The following DGKB variants were observed in gnomAD, a reference collection of about 807,000 sequenced individuals.
DGKB encodes 90 kDa diacylglycerol kinase.
In DGKB, 67 loss-of-function variants were observed where a neutral mutation model predicts 114.3. That is an observed-to-expected ratio of 0.59 (90% CI 0.48 to 0.72). The LOEUF is 0.72. DGKB is among the 30% of genes least tolerant of loss of function. The pLI, the probability that DGKB is intolerant of heterozygous loss-of-function variation, is 0.00. For missense variants in DGKB, 907 were observed against 975.2 expected, an observed-to-expected ratio of 0.93 and a Z score of 0.93; for synonymous variants, 398 against 323.1, an observed-to-expected ratio of 1.23 and a Z score of -2.49.
At chr7:14,462,663 T>C (rs1055370007) in intron 21 of DGKB, among the ~76,000 whole-genome samples, 1 of 152,216 alleles carries the variant, frequency 6.6e-6, no homozygotes, top group African/African-American at 2.4e-5. Context: ...ATGGCCATAC[T>C]GCCCAAAGTA....
chr7:14,418,809 C>T (rs17168156), intron 21 of DGKB, among the ~76,000 whole-genome samples: 3,278 of 151,774 alleles, frequency 0.022, 105 homozygotes, highest in African/African-American at 0.074. Context: ...CTTGCAGATT[C>T]GTTATGAGTA....
intron 13 of DGKB, among the ~76,000 whole-genome samples, chr7:14,670,551 C>T (rs1482904073): frequency 6.6e-6 from 1 of 151,924 alleles, no homozygotes; most frequent in African/African-American, 2.4e-5. Context: ...GTGATCCACC[C>T]ACCTCGACCC....
intron 23 of DGKB, among the ~76,000 whole-genome samples, chr7:14,232,931 A>C (rs1238095444): frequency 6.6e-6 from 1 of 152,016 alleles, no homozygotes; most frequent in African/African-American, 2.4e-5. Flanking sequence ...TCAATTTCCA[A>C]TCTCCAACAA....
chr7:14,637,912 C>A (rs771907212), intron 13 of DGKB, among the ~76,000 whole-genome samples: 1 of 151,920 alleles, frequency 6.6e-6, no homozygotes, highest in Admixed American at 6.6e-5. Flanking sequence ...CAAAAAGCCA[C>A]AATTTCTAAA....
At chr7:14,575,451 T>C (rs1483317447) in intron 19 of DGKB, among the ~76,000 whole-genome samples, 2 of 152,194 alleles carry the variant, frequency 1.3e-5, no homozygotes, top group Non-Finnish European at 1.5e-5. Flanking sequence ...TAGATAACAT[T>C]ATAGTTATCA....
chr7:14,749,009 G>A (rs977139882), intron 4 of DGKB, among the ~76,000 whole-genome samples: 4 of 152,062 alleles, frequency 2.6e-5, no homozygotes, highest in African/African-American at 9.7e-5. Context: ...AAATTAATCA[G>A]AGTTTTTTTT....
At chr7:14,682,411 C>G (rs2128969298) in intron 12 of DGKB, 142 bp downstream of exon 12, 1 of 636,526 alleles carries the variant, frequency 1.6e-6, no homozygotes, top group Non-Finnish European at 2.8e-6. Flanking sequence ...TCTTTGCAAA[C>G]AAGCTGAAAT....
intron 1 of DGKB, among the ~76,000 whole-genome samples, chr7:14,892,112 A>G (rs1357402058): frequency 1.3e-5 from 2 of 151,366 alleles, no homozygotes; most frequent in African/African-American, 4.8e-5. Context: ...ATGAGAAAAA[A>G]GTCATGGAAG....
At chr7:14,747,551 T>G (rs1340852580) in intron 4 of DGKB, among the ~76,000 whole-genome samples, 1 of 152,138 alleles carries the variant, frequency 6.6e-6, no homozygotes, top group Non-Finnish European at 1.5e-5. Flanking sequence ...TCTGTACATT[T>G]TCCTTAGATC....
At chr7:14,895,377 A>G (rs750646002) in intron 1 of DGKB, among the ~76,000 whole-genome samples, 5 of 151,530 alleles carry the variant, frequency 3.3e-5, no homozygotes, top group Non-Finnish European at 5.9e-5. Context: ...CAGGTCTACA[A>G]TGAAAAAAAC....
At chr7:14,417,393 T>C (rs1825876403) in intron 21 of DGKB, among the ~76,000 whole-genome samples, 2 of 152,084 alleles carry the variant, frequency 1.3e-5, no homozygotes, top group South Asian at 2.1e-4. Context: ...GGAGTTATCC[T>C]GGCTCAGTGA....
chr7:14,616,598 T>C (rs974885769), intron 15 of DGKB, among the ~76,000 whole-genome samples: 1 of 151,802 alleles, frequency 6.6e-6, no homozygotes, highest in African/African-American at 2.4e-5. Context: ...AGCTGAAAAC[T>C]ATTCATTCTT....
At chr7:14,584,214 T>A (rs1396061911) in intron 17 of DGKB, among the ~76,000 whole-genome samples, 1 of 152,186 alleles carries the variant, frequency 6.6e-6, no homozygotes, top group African/African-American at 2.4e-5. Context: ...TCATGTTTTA[T>A]AATAAGTTCA....
intron 23 of DGKB, among the ~76,000 whole-genome samples, chr7:14,290,846 T>TTA (rs2128471635): frequency 6.6e-6 from 1 of 152,148 alleles, no homozygotes; most frequent in East Asian, 1.9e-4. Flanking sequence ...ATTACGGACT[T>TTA]AAGTAGAGAA....
At chr7:14,846,001 T>C (rs1423174981) in intron 1 of DGKB, among the ~76,000 whole-genome samples, 1 of 152,196 alleles carries the variant, frequency 6.6e-6, no homozygotes, top group East Asian at 1.9e-4. Flanking sequence ...TAACAACACT[T>C]ACACATGACC....
intron 17 of DGKB, among the ~76,000 whole-genome samples, chr7:14,595,402 T>A (rs773354460): frequency 3.5e-4 from 53 of 151,692 alleles, no homozygotes; most frequent in Non-Finnish European, 6.3e-4. Context: ...GAATTTGAGA[T>A]ACTCATGGAA....
At position 14,147,624 on chromosome 7, in the gene DGKB, C is replaced by T. The variant is rs1410048436; in HGVS notation, c.*1507G>A. On this transcript the variant is annotated 3_prime_UTR_variant, in exon 26 of 26. Coordinates refer to ENST00000402815, the MANE Select transcript of DGKB (RefSeq NM_001350709.2). Reference sequence around the variant, plus strand: ...CAATAACAAAATAGAACCGATAAATCATTAGCACTTTAATGCAGAGTGGAG... The same window carrying T: ...CAATAACAAAATAGAACCGATAAATTATTAGCACTTTAATGCAGAGTGGAG... 6.6e-6 allele frequency: 1 copy of T among 152,404 alleles called. No homozygotes were observed. The highest frequency in any genetic ancestry group is 1.5e-5 in the Non-Finnish European group (1 of 67,988). The allele number at this position is 152,404 out of a possible 1,614,324, so 9.4% of individuals were successfully genotyped here.
intron 1 of DGKB, among the ~76,000 whole-genome samples, chr7:14,915,579 T>G (rs1784203405): frequency 6.6e-6 from 1 of 152,078 alleles, no homozygotes; most frequent in Admixed American, 6.6e-5. Context: ...AGAAAATAAA[T>G]GCTTTGCCTA....
chr7:14,613,309 C>G (rs763504831), intron 16 of DGKB, 31 bp downstream of exon 16: 6 of 1,376,260 alleles, frequency 4.4e-6, no homozygotes, highest in Non-Finnish European at 6.1e-6. Context: ...ATATACATGA[C>G]ATAGACACTA....
Sources: allele counts gnomAD v4.1 joint callset (sites outside exome capture counted in the v4.1 genomes callset), GRCh38; gene constraint gnomAD v4.1.1; transcripts MANE v1.5; gene names NCBI Gene and HGNC (gene_info 2026-07-23, HGNC 2026-07-21).